Variants in DYNC2H1 observed in about 807,000 individuals in gnomAD.
DYNC2H1 encodes the protein cytoplasmic dynein 2 heavy chain 1.
DYNC2H1 carries 410 observed loss-of-function variants against 570.0 expected under a neutral mutation model. That is an observed-to-expected ratio of 0.72 (90% CI 0.66 to 0.78). The LOEUF (loss-of-function observed/expected upper bound fraction) is 0.78. DYNC2H1 is among the 30% of genes least tolerant of loss of function. The pLI, the probability that DYNC2H1 is intolerant of heterozygous loss-of-function variation, is 0.00. For synonymous variants in DYNC2H1, 1,688 were observed against 1,677.6 expected (o/e 1.01, Z -0.15); for missense variants, 4,865 against 5,046.4 (o/e 0.96, Z 1.09).
In DYNC2H1 at chr11:103,166,150, A is replaced by G. The variant is rs369639970; in HGVS notation, c.4762+102A>G. Reference sequence around the variant, plus strand: ...TTTTGACTGTATATCTGTGTTGGTGATTACTCGAGGAATTACAACATATAT... The same window carrying G: ...TTTTGACTGTATATCTGTGTTGGTGGTTACTCGAGGAATTACAACATATAT... On this transcript the variant is annotated intron_variant, in intron 31 of 88. Transcript: ENST00000375735. 106 of 925,898 alleles carry G rather than the reference A, an allele frequency of 1.1e-4. No individual in the cohort carries two copies. In the East Asian group the frequency reaches 2.8e-3, roughly 25 times the overall value. The allele number at this position is 925,898 out of a possible 1,614,324, so 57.4% of individuals were successfully genotyped here.
intron 30 of DYNC2H1, among the ~76,000 whole-genome samples, chr11:103,164,643 A>G (rs1420119131): frequency 6.6e-6 from 1 of 152,176 alleles, no homozygotes; most frequent in African/African-American, 2.4e-5. Flanking sequence ...TATTTACATG[A>G]CCTTCAAGTA....
rs1160122341 is a variant in DYNC2H1 at position 103,151,855 on chromosome 11, G to T, written c.2947-281G>T. On this transcript the variant is annotated intron_variant, in intron 20 of 88. Transcript: ENST00000375735. This position sits in a 1 kb window ranked among gnomAD's most constrained non-coding sequence, Gnocchi z 4.6. ...GATAAACTGTAGTATTATCTTTATG[G>T]ATTTCATTTAGTCTCATATTACTAC... 6.6e-6 allele frequency among the ~76,000 whole-genome samples: 1 copy of T among 151,912 alleles called. No homozygotes were observed. Among genetic ancestry groups the T allele is most frequent in the Admixed American group, 6.6e-5 (1 of 15,224 alleles).
chr11:103,178,575 A>G (rs1251777068), intron 38 of DYNC2H1, among the ~76,000 whole-genome samples: 2 of 152,090 alleles, frequency 1.3e-5, no homozygotes, highest in East Asian at 1.9e-4. Context: ...TGGAAAGACT[A>G]TGTATACAAT....
intron 82 of DYNC2H1, among the ~76,000 whole-genome samples, chr11:103,346,899 T>G (rs954574732): frequency 6.6e-6 from 1 of 152,218 alleles, no homozygotes; most frequent in African/African-American, 2.4e-5. Context: ...AAAGGTTGAA[T>G]CCATTAGATG....
chr11:103,176,365 A>C lies in DYNC2H1; in HGVS notation c.5805A>C (p.Glu1935Asp). ...CGGGAATTGAATTGAAAGAAGTGGAATATGATGAACTAAGTGCTGCATTAA... is the reference window on the plus strand; with the variant it reads ...CGGGAATTGAATTGAAAGAAGTGGACTATGATGAACTAAGTGCTGCATTAA... ...VFPGIELKEV[E>D]YDELSAALKQ... The change falls in exon 37 of 89, where the codon GAA becomes GAC. Residue 1935 changes from glutamate to aspartate, a missense_variant. Glu to Asp is a conservative substitution (Grantham distance 45, BLOSUM62 2). Around this residue, in one of 5 missense-constraint regions of DYNC2H1, gnomAD observed 292 missense variants for 300.2 expected, o/e 0.97. Coordinates refer to ENST00000375735, the MANE Select transcript of DYNC2H1 (RefSeq NM_001377.3). 12 of 1,595,204 alleles carry C rather than the reference A, an allele frequency of 7.5e-6. No homozygotes were observed. Among genetic ancestry groups the C allele is most frequent in the Non-Finnish European group, 9.4e-6 (11 of 1,170,966 alleles).
intron 55 of DYNC2H1, among the ~76,000 whole-genome samples, chr11:103,218,085 G>A (rs606237): frequency 0.93 from 141,966 of 152,282 alleles, 66,205 homozygotes; most frequent in African/African-American, 0.94. Context: ...TGGCAAGGCC[G>A]TGTGGAGCAT....
intron 83 of DYNC2H1, among the ~76,000 whole-genome samples, chr11:103,390,112 T>C (rs1232252947): frequency 6.6e-6 from 1 of 152,128 alleles, no homozygotes; most frequent in Admixed American, 6.5e-5. Context: ...AAGTCTCCCA[T>C]TATTATTGTG....
Position 103,257,589 on chromosome 11 carries a change from C to T in DYNC2H1, c.10462-19C>T. The stretch of plus-strand genomic sequence containing the variant: ...TAAGGTGTTTCCACCCTATCCCCTA[C>T]TGATCTCTTGATCCATAGGAACGGG... On this transcript the variant is annotated intron_variant, in intron 68 of 88. Transcript: ENST00000375735. 1.2e-6 allele frequency: 2 copies of T among 1,601,872 alleles called. No homozygotes were observed. Among genetic ancestry groups the T allele is most frequent in the South Asian group, 1.1e-5 (1 of 88,572 alleles).
At chr11:103,231,225 T>G (rs1863995211) in intron 59 of DYNC2H1, 35 bp from the exon 60 acceptor site, 2 of 1,348,914 alleles carry the variant, frequency 1.5e-6, no homozygotes, top group Non-Finnish European at 2.1e-6. Flanking sequence ...ATATCTAAAA[T>G]AGAATGACTT....
chr11:103,191,121 C>T (rs181896792), intron 45 of DYNC2H1, among the ~76,000 whole-genome samples: 3 of 150,794 alleles, frequency 2.0e-5, no homozygotes, highest in Admixed American at 1.3e-4. Flanking sequence ...CTCACTGCAA[C>T]CTCTGCCTCC....
chr11:103,376,321 T>G (rs1280007177), intron 83 of DYNC2H1, among the ~76,000 whole-genome samples: 2 of 152,204 alleles, frequency 1.3e-5, no homozygotes, highest in African/African-American at 4.8e-5. Context: ...ATATTTAAGG[T>G]TATTAATAGG....
chr11:103,159,107 C>T (rs1465164791), intron 28 of DYNC2H1, 80 bp downstream of exon 28: 1 of 1,074,070 alleles, frequency 9.3e-7, no homozygotes, highest in Non-Finnish European at 1.4e-6. Flanking sequence ...CTTAGGTAGA[C>T]TACTGAATAC....
At chr11:103,113,838 T>C (rs1858237351) in intron 2 of DYNC2H1, 131 bp downstream of exon 2, 5 of 880,466 alleles carry the variant, frequency 5.7e-6, no homozygotes, top group South Asian at 3.0e-5. Flanking sequence ...TTTTCTTAAC[T>C]TTTTTTAACT....
At chr11:103,401,859 G>A (rs1410525741) in intron 84 of DYNC2H1, among the ~76,000 whole-genome samples, 1 of 152,056 alleles carries the variant, frequency 6.6e-6, no homozygotes, top group Admixed American at 6.6e-5. Flanking sequence ...TATAGAAATA[G>A]GAATACCATG....
chr11:103,447,544 AC>A (rs1944466222), intron 85 of DYNC2H1, among the ~76,000 whole-genome samples: 2 of 152,154 alleles, frequency 1.3e-5, no homozygotes, highest in African/African-American at 4.8e-5. Context: ...ACTTCAATTT[AC>A]AGACTTGGAA....
chr11:103,381,293 G>A (rs186562616), intron 83 of DYNC2H1, among the ~76,000 whole-genome samples: 31 of 152,204 alleles, frequency 2.0e-4, no homozygotes, highest in African/African-American at 7.2e-4. Context: ...AAATAGATGT[G>A]ATCACAGTTT....
At chr11:103,356,026 A>C (rs531422832) in intron 82 of DYNC2H1, among the ~76,000 whole-genome samples, 1 of 152,270 alleles carries the variant, frequency 6.6e-6, no homozygotes, top group East Asian at 1.9e-4. Flanking sequence ...CAATTCTTAT[A>C]GATCTCCCAA....
chr11:103,293,318 G>T (rs1384619643), intron 75 of DYNC2H1, among the ~76,000 whole-genome samples: 1 of 151,900 alleles, frequency 6.6e-6, no homozygotes, highest in African/African-American at 2.4e-5. Context: ...TATGTTATTT[G>T]CTTCTTTTGT....
intron 18 of DYNC2H1, 49 bp downstream of exon 18, chr11:103,143,444 TG>T: frequency 6.6e-7 from 1 of 1,524,770 alleles, no homozygotes; most frequent in Non-Finnish European, 8.8e-7. Flanking sequence ...TTTTTTGACA[TG>T]GACAGTAAGG....
Sources: gnomAD v4.1 joint callset for allele counts (sites outside exome capture counted in the v4.1 genomes callset) on GRCh38, gnomAD v4.1.1 for gene constraint, gnomAD v4.1.1 regional missense constraint, Gnocchi (gnomAD v3.1) non-coding constraint, MANE v1.5 for transcripts, NCBI Gene and HGNC (gene_info 2026-07-23, HGNC 2026-07-21) for gene names.